The following CFAP74 variants were observed in gnomAD, a reference collection of about 807,000 sequenced individuals.
CFAP74 encodes cilia and flagella associated protein 74, also known as cilia- and flagella-associated protein 74.
CFAP74 carries 124 observed loss-of-function variants against 188.9 expected under a neutral mutation model. The ratio of observed to expected loss-of-function variants is 0.66; its 90% CI spans 0.57 to 0.76. The LOEUF is 0.76. Ranked by LOEUF, CFAP74 falls within the 30% of genes least tolerant of loss-of-function variation. The pLI is 0.00. For missense variants in CFAP74, 2,198 were observed against 2,165.2 expected (o/e 1.02, Z -0.30); for synonymous variants, 956 against 916.7 (o/e 1.04, Z -0.77).
intron 18 of CFAP74, among the ~76,000 whole-genome samples, chr1:1,950,264 G>A (rs938705378): frequency 3.3e-5 from 5 of 151,396 alleles, no homozygotes; most frequent in African/African-American, 9.7e-5. Context: ...GATGTTGAGC[G>A]TCTTTTCATG....
intron 28 of CFAP74, 42 bp from the exon 29 acceptor site, chr1:1,927,070 C>T (rs1651966507): frequency 6.5e-7 from 1 of 1,549,104 alleles, no homozygotes; most frequent in Non-Finnish European, 8.7e-7. Context: ...CTTGCCCCCA[C>T]CCACCATCGG....
At chr1:1,988,226 A>G in intron 4 of CFAP74, 1 of 622,400 alleles carries the variant, frequency 1.6e-6, no homozygotes, top group Non-Finnish European at 3.0e-6. Context: ...AACACACACA[A>G]ACACAGAAAG....
At chr1:1,972,857 A>G in intron 8 of CFAP74, 80 bp downstream of exon 8, 2 of 937,608 alleles carry the variant, frequency 2.1e-6, no homozygotes, top group Non-Finnish European at 3.4e-6. Context: ...AATAAATAAT[A>G]AAATCAGGGC....
At chr1:1,982,006 G>C (rs1168566152) in intron 6 of CFAP74, among the ~76,000 whole-genome samples, 19 of 133,178 alleles carry the variant, frequency 1.4e-4, no homozygotes, top group Admixed American at 3.1e-4. Flanking sequence ...GCCGTGGACA[G>C]ACACGGGGAC....
At chr1:1,959,479 T>C (rs1038212632) in intron 15 of CFAP74, among the ~76,000 whole-genome samples, 2 of 152,206 alleles carry the variant, frequency 1.3e-5, no homozygotes, top group African/African-American at 2.4e-5. Context: ...TTGCCCAGGC[T>C]GGTCTTGAAC....
At chr1:1,941,685 C>G (rs938418063) in intron 22 of CFAP74, among the ~76,000 whole-genome samples, 2 of 152,188 alleles carry the variant, frequency 1.3e-5, no homozygotes, top group Non-Finnish European at 2.9e-5. Context: ...GCCACCTTAT[C>G]CCGGCAGGTA....
chr1:1,925,271 C>T (rs1453465411), intron 33 of CFAP74, among the ~76,000 whole-genome samples: 10 of 115,612 alleles, frequency 8.6e-5, no homozygotes, highest in African/African-American at 1.8e-4. Context: ...CGCGAAGGCA[C>T]GAGGGCACAC....
intron 13 of CFAP74, among the ~76,000 whole-genome samples, chr1:1,964,395 C>T (rs1655310342): frequency 1.3e-5 from 2 of 152,258 alleles, no homozygotes; most frequent in African/African-American, 4.8e-5. Flanking sequence ...GGCGTCCAGC[C>T]CTCCATGGGG....
chr1:1,928,732 C>T (rs1370095071), intron 27 of CFAP74, 52 bp downstream of exon 27: 1 of 1,399,426 alleles, frequency 7.1e-7, no homozygotes, highest in Non-Finnish European at 9.7e-7. Context: ...GAGTTTGTTC[C>T]TGCAACAGGC....
At chr1:1,981,384 G>A (rs1012743559) in intron 6 of CFAP74, among the ~76,000 whole-genome samples, 5 of 151,998 alleles carry the variant, frequency 3.3e-5, no homozygotes, top group African/African-American at 1.2e-4. Context: ...GGACCCTCGG[G>A]GGCTGGCACA....
At chr1:1,969,131 C>A (rs1434773858) in intron 10 of CFAP74, among the ~76,000 whole-genome samples, 2 of 151,936 alleles carry the variant, frequency 1.3e-5, no homozygotes, top group Non-Finnish European at 2.9e-5. Flanking sequence ...CCCAGCCCTG[C>A]CCTGCCCAGT....
At chr1:1,993,868 G>A (rs1054882693) in intron 1 of CFAP74, among the ~76,000 whole-genome samples, 15 of 151,024 alleles carry the variant, frequency 9.9e-5, no homozygotes, top group African/African-American at 3.4e-4. Context: ...TATAGTCCCA[G>A]CTACTCGGGA....
chr1:1,932,362 A>G (rs1652479919), intron 25 of CFAP74, among the ~76,000 whole-genome samples: 1 of 149,622 alleles, frequency 6.7e-6, no homozygotes, highest in African/African-American at 2.5e-5. Context: ...GCGCCACCGC[A>G]CTCCAGCCTG....
chr1:1,970,807 G>A lies in CFAP74; in HGVS notation c.898C>T (p.Arg300Trp), dbSNP rs200873327. ...GSISANRDTL[R>W]KFQAWDRAKA... ...GCACGGTCCCATGCTTGGAACTTCC[G>A]CAGTGTGTCCTTGGAAACAGAGAGC... Residue 300 changes from arginine (R) to tryptophan (W), a missense_variant, in exon 10 of 39, where the codon CGG becomes TGG. Coordinates refer to ENST00000682832, the MANE Select transcript of CFAP74 (RefSeq NM_001304360.2). 90 of 1,614,082 alleles carry A rather than the reference G, an allele frequency of 5.6e-5. No homozygotes were observed. Among genetic ancestry groups the A allele is most frequent in the South Asian group, 2.3e-4 (21 of 91,086 alleles).
chr1:1,939,028 G>C (rs1349835174), intron 24 of CFAP74, 40 bp from the exon 25 acceptor site: 1 of 1,524,834 alleles, frequency 6.6e-7, no homozygotes, highest in African/African-American at 1.4e-5. Flanking sequence ...GTCACGGGGA[G>C]ACCATGTGGA....
intron 16 of CFAP74, among the ~76,000 whole-genome samples, chr1:1,957,901 A>G (rs1654774272): frequency 6.6e-6 from 1 of 152,190 alleles, no homozygotes; most frequent in Non-Finnish European, 1.5e-5. Context: ...CGGCAGCCAC[A>G]GGGCAAGGAG....
chr1:1,993,246 T>C (rs575389489), intron 1 of CFAP74, among the ~76,000 whole-genome samples: 2 of 151,758 alleles, frequency 1.3e-5, no homozygotes, highest in Admixed American at 6.6e-5. Context: ...ACAAACTCTT[T>C]ACTTATTTTT....
chr1:1,923,296 C>T lies in CFAP74; in HGVS notation c.4522+71G>A, dbSNP rs988282423. 7.3e-6 allele frequency: 11 copies of T among 1,513,302 alleles called. No homozygotes were observed. The highest frequency in any genetic ancestry group is 4.2e-5 in the African/African-American group (3 of 71,846). The allele number at this position is 1,513,302 out of a possible 1,614,324, so 93.7% of individuals were successfully genotyped here. A position where few individuals can be genotyped will look rare whatever the true frequency, so the allele number is the denominator to read the frequency against. ...ATCCCTGCCCTGCTCCGCTGGGTCTCGGGGCCCCCATCCACGGGACAGGGG... is the reference window on the plus strand; with the variant it reads ...ATCCCTGCCCTGCTCCGCTGGGTCTTGGGGCCCCCATCCACGGGACAGGGG... On this transcript the variant is annotated intron_variant, in intron 36 of 38. Transcript: ENST00000682832. The surrounding 1 kb of genome is among the most constrained non-coding windows in gnomAD (Gnocchi z 6.3).
At chr1:2,000,765 C>T (rs538305535) in intron 1 of CFAP74, among the ~76,000 whole-genome samples, 1 of 152,258 alleles carries the variant, frequency 6.6e-6, no homozygotes, top group East Asian at 1.9e-4. Context: ...GAGGCACTCA[C>T]CCTATTCTAG....
Sources: allele counts gnomAD v4.1 joint callset (sites outside exome capture counted in the v4.1 genomes callset), GRCh38; gene constraint gnomAD v4.1.1; non-coding constraint Gnocchi (gnomAD v3.1); transcripts MANE v1.5; gene names NCBI Gene and HGNC (gene_info 2026-07-23, HGNC 2026-07-21).